The following ZNF490 variants were observed in gnomAD, a reference collection of about 807,000 sequenced individuals.
ZNF490 encodes zinc finger protein 490.
ZNF490 carries 11 observed loss-of-function variants against 17.7 expected under a neutral mutation model. That is an observed-to-expected ratio of 0.62 (90% CI 0.39 to 1.03). The LOEUF (loss-of-function observed/expected upper bound fraction) is 1.03, where lower values mean the gene tolerates loss of function less well. ZNF490 is among the 50% of genes least tolerant of loss of function. The probability of loss-of-function intolerance (pLI) is 0.00; values close to 1 mark genes in which losing one functional copy is unlikely to be tolerated. For synonymous variants in ZNF490, 222 were observed against 216.1 expected (o/e 1.03, Z -0.24); for missense variants, 542 against 643.4 (o/e 0.84, Z 1.71).
chr19:12,610,454 T>C (rs1309833772), intron 1 of ZNF490, 110 bp downstream of exon 1: 1 of 934,642 alleles, frequency 1.1e-6, no homozygotes, highest in South Asian at 1.4e-5. Flanking sequence ...TGGTCAAAGA[T>C]TAAAATGCAA....
At chr19:12,609,820 G>A (rs970432514) in intron 1 of ZNF490, 1 of 405,030 alleles carries the variant, frequency 2.5e-6, no homozygotes, top group Non-Finnish European at 4.8e-6. Flanking sequence ...ATAGACACTG[G>A]AGATGCCAAT....
intron 2 of ZNF490, among the ~76,000 whole-genome samples, chr19:12,593,666 G>A (rs1038736190): frequency 1.3e-5 from 2 of 152,154 alleles, no homozygotes; most frequent in Admixed American, 6.6e-5. Flanking sequence ...ACTAACTGAT[G>A]AACTGCCCCT....
chr19:12,591,584 C>T (rs1470596603), intron 2 of ZNF490, among the ~76,000 whole-genome samples: 1 of 152,018 alleles, frequency 6.6e-6, no homozygotes, highest in East Asian at 1.9e-4. Flanking sequence ...TGAACATACA[C>T]ATCACCAGAG....
rs149742929 is a variant in ZNF490, at chr19:12,576,813, CAAAAAAAAAAAAA to C, written c.*3659_*3671del. 2.7e-5 allele frequency among the ~76,000 whole-genome samples: 1 copy of C among 37,558 alleles called. No homozygotes were observed. The highest frequency in any genetic ancestry group is 9.4e-4 in the South Asian group (1 of 1,060). 24.6% of individuals were successfully genotyped at this position (37,558 alleles called of 152,430 possible). On this transcript the variant is annotated 3_prime_UTR_variant, in exon 5 of 5. Transcript: ENST00000311437. ...GCCTGGCAACAGTGAGAATCCATCT[CAAAAAAAAAAAAA>C]AAAAAAAAAACCTAAAAGCATTCCA...
intron 4 of ZNF490, among the ~76,000 whole-genome samples, chr19:12,582,308 T>C (rs1021866199): frequency 6.6e-6 from 1 of 152,068 alleles, no homozygotes; most frequent in South Asian, 2.1e-4. Flanking sequence ...ACCAGGCTGG[T>C]GTTGAACTCC....
At chr19:12,602,993 A>T (rs1330684077) in intron 2 of ZNF490, among the ~76,000 whole-genome samples, 1 of 152,142 alleles carries the variant, frequency 6.6e-6, no homozygotes, top group Non-Finnish European at 1.5e-5. Flanking sequence ...GTTGACACAC[A>T]GACAAGAACT....
chr19:12,610,503 T>C (rs933850450), intron 1 of ZNF490, 61 bp downstream of exon 1: 62 of 1,335,332 alleles, frequency 4.6e-5, no homozygotes, highest in Non-Finnish European at 6.5e-5. Context: ...AACCGTCTGT[T>C]TATAAACAAG....
intron 2 of ZNF490, among the ~76,000 whole-genome samples, chr19:12,594,579 C>T (rs187183299): frequency 2.5e-4 from 38 of 152,206 alleles, no homozygotes; most frequent in African/African-American, 7.5e-4. Flanking sequence ...TCTGTGGTAG[C>T]GATATCCGGG....
chr19:12,595,681 G>A lies in ZNF490; in HGVS notation c.163-12125C>T, dbSNP rs545058947. On this transcript the variant is annotated intron_variant, in intron 2 of 4. Transcript: ENST00000311437. ...AAAAGGTTTCAGGGCTGGGTGTGGCGACTCACACCTGCAATCCCAGCACTT... is the reference window on the plus strand; with the variant it reads ...AAAAGGTTTCAGGGCTGGGTGTGGCAACTCACACCTGCAATCCCAGCACTT... Among the ~76,000 whole-genome samples, 29 of 152,182 alleles carry A rather than the reference G, an allele frequency of 1.9e-4. No individual in the cohort carries two copies. In the South Asian group the frequency reaches 5.8e-3, roughly 30 times the overall value.
intron 2 of ZNF490, among the ~76,000 whole-genome samples, chr19:12,601,860 G>C (rs2023008639): frequency 6.6e-6 from 1 of 151,726 alleles, no homozygotes; most frequent in African/African-American, 2.4e-5. Context: ...CGGGCTTGGT[G>C]GCAGGCTCCT....
chr19:12,603,480 T>C (rs1568282874), intron 2 of ZNF490, among the ~76,000 whole-genome samples: 1 of 151,856 alleles, frequency 6.6e-6, no homozygotes, highest in Non-Finnish European at 1.5e-5. Flanking sequence ...AGAGTAAGAC[T>C]CTGTCTCAAA....
At position 12,586,300 on chromosome 19, in the gene ZNF490, A is replaced by AAAAAT. The variant is rs972044002; in HGVS notation, c.163-2749_163-2745dup. ...GGCGACAGAGCGAAACTCCACCTCA[A>AAAAAT]AAAATAAAATAAAATAAAATAAAAT... On this transcript the variant is annotated intron_variant, in intron 2 of 4. Transcript: ENST00000311437. Among the ~76,000 whole-genome samples, 25 of 92,994 alleles carry AAAAAT rather than the reference A, an allele frequency of 2.7e-4. 5 individuals carry two copies. Among genetic ancestry groups the AAAAAT allele is most frequent in the South Asian group, 1.1e-3 (4 of 3,502 alleles). 61.0% of individuals were successfully genotyped at this position (92,994 alleles called of 152,430 possible).
In ZNF490 at chr19:12,576,560, A is replaced by T. The variant is rs542185758; in HGVS notation, c.*3925T>A. On this transcript the variant is annotated 3_prime_UTR_variant, in exon 5 of 5. Coordinates refer to ENST00000311437, the MANE Select transcript of ZNF490 (RefSeq NM_020714.3). ...CCAGGCAGAGTGGCTCACGCCTGTA[A>T]TCCCAGCACTTTGGGGAGACCGAGG... Among the ~76,000 whole-genome samples the T allele has an allele frequency of 2.0e-5, 3 of 152,032 alleles. No homozygotes were observed. The South Asian group carries it at 6.2e-4, about 32-fold the overall frequency.
Position 12,577,405 on chromosome 19 carries a change from T to A in ZNF490, c.*3080A>T. 3 of 983,084 alleles carry A rather than the reference T, an allele frequency of 3.1e-6. No individual in the cohort carries two copies. The highest frequency in any genetic ancestry group is 3.6e-6 in the Non-Finnish European group (3 of 827,806). 60.9% of individuals were successfully genotyped at this position (983,084 alleles called of 1,614,324 possible). ...TCTCGAACTTCCTGACCTCCCACAG[T>A]ACAATAATCATCTCTCTACAAAAGC... On this transcript the variant is annotated 3_prime_UTR_variant, in exon 5 of 5. Transcript: ENST00000311437.
chr19:12,578,594 A>C lies in ZNF490; in HGVS notation c.*1891T>G. 2 of 985,530 alleles carry C rather than the reference A, an allele frequency of 2.0e-6. No homozygotes were observed. The highest frequency in any genetic ancestry group is 2.4e-6 in the Non-Finnish European group (2 of 829,960). The allele number at this position is 985,530 out of a possible 1,614,324, so 61.0% of individuals were successfully genotyped here. A position where few individuals can be genotyped will look rare whatever the true frequency, so the allele number is the denominator to read the frequency against. ...GCAATGCTGACAATGTCTGTGAATT[A>C]GGATGTGCATAGGCAGATCCCACTT... On this transcript the variant is annotated 3_prime_UTR_variant, in exon 5 of 5. Coordinates refer to ENST00000311437, the MANE Select transcript of ZNF490 (RefSeq NM_020714.3).
intron 2 of ZNF490, among the ~76,000 whole-genome samples, chr19:12,589,743 G>A (rs1032627802): frequency 1.3e-5 from 2 of 152,004 alleles, no homozygotes; most frequent in Non-Finnish European, 2.9e-5. Flanking sequence ...CATCGGGCAA[G>A]AGGAACTTCT....
intron 1 of ZNF490, 93 bp from the exon 2 acceptor site, chr19:12,609,295 A>C: frequency 9.4e-7 from 1 of 1,058,464 alleles, no homozygotes; most frequent in Non-Finnish European, 1.4e-6. Flanking sequence ...TTCCCCCTGC[A>C]TCTACCTGTA....
chr19:12,590,244 C>T (rs893775214), intron 2 of ZNF490, among the ~76,000 whole-genome samples: 1 of 141,674 alleles, frequency 7.1e-6, no homozygotes, highest in Middle Eastern at 4.4e-3. Context: ...GATGGAGTTT[C>T]GCTCTGTTGC....
At chr19:12,582,317 C>A (rs968977417) in intron 4 of ZNF490, among the ~76,000 whole-genome samples, 5 of 151,958 alleles carry the variant, frequency 3.3e-5, no homozygotes, top group Non-Finnish European at 7.4e-5. Flanking sequence ...GTGTTGAACT[C>A]CTGGCCTCAA....
Sources: gnomAD v4.1 joint callset for allele counts (sites outside exome capture counted in the v4.1 genomes callset) on GRCh38, gnomAD v4.1.1 for gene constraint, MANE v1.5 for transcripts, NCBI Gene and HGNC (gene_info 2026-07-23, HGNC 2026-07-21) for gene names.